Variants in CAMTA1 observed in about 807,000 individuals in gnomAD.
The protein encoded by CAMTA1 is calmodulin-binding transcription activator 1.
A neutral mutation model predicts 170.9 loss-of-function variants in CAMTA1; 27 were observed. That is an observed-to-expected ratio of 0.16 (90% CI 0.12 to 0.22). CAMTA1 has a LOEUF of 0.22. Ranked by LOEUF, CAMTA1 falls within the 10% of genes least tolerant of loss-of-function variation. The pLI is 1.00. For synonymous variants in CAMTA1, 833 were observed against 891.5 expected, an observed-to-expected ratio of 0.93 and a Z score of 1.17; for missense variants, 1,619 against 2,217.2, an observed-to-expected ratio of 0.73 and a Z score of 5.42.
intron 11 of CAMTA1, among the ~76,000 whole-genome samples, chr1:7,722,700 T>G (rs1274739752): frequency 1.3e-5 from 2 of 152,156 alleles, no homozygotes; most frequent in African/African-American, 4.8e-5. Flanking sequence ...TAGTTTAATA[T>G]ATCAATAAGG....
chr1:7,340,688 C>T (rs2083760024), intron 5 of CAMTA1, among the ~76,000 whole-genome samples: 1 of 151,558 alleles, frequency 6.6e-6, no homozygotes, highest in Non-Finnish European at 1.5e-5. Context: ...CTTCTTCCAT[C>T]CATCTAGCCA....
At chr1:6,988,912 AC>A (rs758541774) in intron 3 of CAMTA1, among the ~76,000 whole-genome samples, 17 of 152,186 alleles carry the variant, frequency 1.1e-4, no homozygotes, top group Admixed American at 3.3e-4. Flanking sequence ...CACTGGACTG[AC>A]TGAGTCTAGA....
chr1:6,908,245 A>C (rs565868475), intron 3 of CAMTA1, among the ~76,000 whole-genome samples: 1 of 152,324 alleles, frequency 6.6e-6, no homozygotes, highest in East Asian at 1.9e-4. Context: ...GCCAAGGCAC[A>C]CGCAGAGGGG....
intron 3 of CAMTA1, among the ~76,000 whole-genome samples, chr1:7,018,114 G>C (rs879644408): frequency 0.064 from 6,807 of 106,716 alleles, no homozygotes; most frequent in East Asian, 0.087. Flanking sequence ...CAGGTGTGCG[G>C]CACCACGCCT....
At position 7,510,413 on chromosome 1, in the gene CAMTA1, CT is replaced by C. The variant is rs1456218687; in HGVS notation, c.510+42513del. ...GGCATTGATGCACCTTGCTTCGCCC[CT>C]GGGGGCTCACCTGTCCCATGGGAAG... On this transcript the variant is annotated intron_variant, in intron 6 of 22. Transcript: ENST00000303635. Among the ~76,000 whole-genome samples the C allele has an allele frequency of 2.7e-5, 4 of 145,660 alleles. 1 individual carries two copies. Among genetic ancestry groups the C allele is most frequent in the Non-Finnish European group, 6.2e-5 (4 of 64,990 alleles).
In CAMTA1 at chr1:7,471,652, G is replaced by A. The variant is rs368794243; in HGVS notation, c.510+3751G>A. Among the ~76,000 whole-genome samples the A allele has an allele frequency of 5.9e-5, 9 of 152,376 alleles. No homozygotes were observed. The South Asian group carries it at 6.2e-4, about 11-fold the overall frequency. ...TCAGGGGAGGAGCAGGCAGTGCTCC[G>A]TTCTCCCGATGCCTTGGCCTCTGCC... On this transcript the variant is annotated intron_variant, in intron 6 of 22. Coordinates refer to ENST00000303635, the MANE Select transcript of CAMTA1 (RefSeq NM_015215.4).
intron 5 of CAMTA1, among the ~76,000 whole-genome samples, chr1:7,310,642 T>C (rs1322790604): frequency 7.0e-5 from 2 of 28,604 alleles, no homozygotes; most frequent in African/African-American, 2.9e-4. Context: ...CTTTCTTTCT[T>C]TCTTTTTTCT....
At chr1:7,526,193 G>A (rs571853655) in intron 6 of CAMTA1, among the ~76,000 whole-genome samples, 12 of 152,120 alleles carry the variant, frequency 7.9e-5, no homozygotes, top group East Asian at 3.9e-4. Flanking sequence ...ACAGAAGCAC[G>A]GGGAAGAGGT....
intron 6 of CAMTA1, among the ~76,000 whole-genome samples, chr1:7,603,682 A>C (rs2095464185): frequency 6.6e-6 from 1 of 152,126 alleles, no homozygotes; most frequent in African/African-American, 2.4e-5. Context: ...GCCCATTTAC[A>C]CTTAAGGTTA....
intron 4 of CAMTA1, among the ~76,000 whole-genome samples, chr1:7,220,302 C>T (rs969119703): frequency 6.5e-4 from 99 of 152,136 alleles, no homozygotes; most frequent in African/African-American, 2.2e-3. Context: ...CCCAGGCCTC[C>T]TCGAAGGACA....
intron 3 of CAMTA1, among the ~76,000 whole-genome samples, chr1:7,054,789 T>C (rs1707039071): frequency 6.6e-6 from 1 of 152,192 alleles, no homozygotes; most frequent in South Asian, 2.1e-4. Flanking sequence ...ATGAGTCCAC[T>C]CTCGCACTGC....
chr1:7,150,610 G>T (rs1646516828), intron 4 of CAMTA1, among the ~76,000 whole-genome samples: 1 of 151,944 alleles, frequency 6.6e-6, no homozygotes, highest in Non-Finnish European at 1.5e-5. Context: ...GTGTCTCCAG[G>T]CTTTGCCCAG....
chr1:7,655,359 CAA>C (rs752524095), intron 7 of CAMTA1, among the ~76,000 whole-genome samples: 12 of 141,752 alleles, frequency 8.5e-5, no homozygotes, highest in Non-Finnish European at 1.6e-4. Context: ...CACCCTTAAA[CAA>C]ACACACCCAC....
chr1:7,288,876 G>A lies in CAMTA1; in HGVS notation c.438+39250G>A, dbSNP rs1320608666. ...AAAGTCAGGATGAGTCTATTAGTCT[G>A]TTCTTGTATTACTACAGAGAAATGC... is the stretch of plus-strand genomic sequence containing the variant. On this transcript the variant is annotated intron_variant, in intron 5 of 22. Coordinates refer to ENST00000303635, the MANE Select transcript of CAMTA1 (RefSeq NM_015215.4). Among the ~76,000 whole-genome samples, 5 of 152,182 alleles carry A rather than the reference G, an allele frequency of 3.3e-5. No individual in the cohort carries two copies. In the East Asian group the frequency reaches 9.6e-4, roughly 29 times the overall value.
At chr1:7,269,683 A>G (rs578261342) in intron 5 of CAMTA1, among the ~76,000 whole-genome samples, 1 of 152,360 alleles carries the variant, frequency 6.6e-6, no homozygotes, top group African/African-American at 2.4e-5. Context: ...CAGAGAAGAA[A>G]GGTAGGGGGA....
At chr1:7,431,206 A>C (rs1421559240) in intron 5 of CAMTA1, among the ~76,000 whole-genome samples, 2 of 152,132 alleles carry the variant, frequency 1.3e-5, no homozygotes, top group African/African-American at 2.4e-5. Flanking sequence ...AACAGTCCCA[A>C]AGTCTCTTTC....
chr1:7,629,196 C>G (rs2095652467), intron 6 of CAMTA1, among the ~76,000 whole-genome samples: 1 of 152,254 alleles, frequency 6.6e-6, no homozygotes, highest in Admixed American at 6.5e-5. Flanking sequence ...AGGACGCCAG[C>G]AGCCTGCATC....
At chr1:7,167,949 A>G (rs768317200) in intron 4 of CAMTA1, among the ~76,000 whole-genome samples, 1 of 152,018 alleles carries the variant, frequency 6.6e-6, no homozygotes, top group East Asian at 1.9e-4. Context: ...GGGTCTCACT[A>G]TGTTGCCCAG....
chr1:6,956,235 T>C (rs528948898), intron 3 of CAMTA1, among the ~76,000 whole-genome samples: 17 of 152,238 alleles, frequency 1.1e-4, no homozygotes, highest in Admixed American at 9.1e-4. Context: ...CCCTAGTTTC[T>C]AGTAGGAATT....
Sources: allele counts gnomAD v4.1 joint callset (sites outside exome capture counted in the v4.1 genomes callset), GRCh38; gene constraint gnomAD v4.1.1; transcripts MANE v1.5; gene names NCBI Gene and HGNC (gene_info 2026-07-23, HGNC 2026-07-21).